Variants in RGS6 observed in about 807,000 individuals in gnomAD.
RGS6 encodes the protein regulator of G-protein signaling 6.
Under a neutral mutation model 78.5 loss-of-function variants are expected in RGS6, and 30 were observed. That is an observed-to-expected ratio of 0.38 (90% CI 0.29 to 0.52). The LOEUF is 0.52. RGS6 is among the 20% of genes least tolerant of loss of function. RGS6 has a pLI of 0.85. For synonymous variants in RGS6, 206 were observed against 206.0 expected, an observed-to-expected ratio of 1.00 and a Z score of 0.00; for missense variants, 495 against 609.7, an observed-to-expected ratio of 0.81 and a Z score of 1.98.
At chr14:71,999,846 T>G (rs1177156751) in intron 2 of RGS6, among the ~76,000 whole-genome samples, 2 of 133,296 alleles carry the variant, frequency 1.5e-5, no homozygotes, top group Admixed American at 8.0e-5. Context: ...CAGCCTGCAG[T>G]GCATGAGCCA....
chr14:71,971,484 T>C (rs1164790665), intron 2 of RGS6, among the ~76,000 whole-genome samples: 1 of 152,122 alleles, frequency 6.6e-6, no homozygotes, highest in Non-Finnish European at 1.5e-5. Context: ...GCCGACTACT[T>C]TCCTCTTCTG....
At chr14:72,352,293 T>A in intron 3 of RGS6, 99 bp downstream of exon 3, 1 of 766,710 alleles carries the variant, frequency 1.3e-6, no homozygotes, top group Non-Finnish European at 2.1e-6. Context: ...CTGTGAATAG[T>A]AAAAATGAAA....
At chr14:71,944,307 AT>A (rs2091136454) in intron 1 of RGS6, among the ~76,000 whole-genome samples, 1 of 152,150 alleles carries the variant, frequency 6.6e-6, no homozygotes, top group South Asian at 2.1e-4. Context: ...TATTATGCCC[AT>A]TTTATAGATG....
intron 3 of RGS6, among the ~76,000 whole-genome samples, chr14:72,372,149 G>C (rs1287342624): frequency 1.3e-5 from 2 of 152,130 alleles, no homozygotes; most frequent in Non-Finnish European, 2.9e-5. Flanking sequence ...ACAAAACGTT[G>C]TTACTGACAT....
chr14:72,455,658 T>G (rs1248635008), intron 4 of RGS6, among the ~76,000 whole-genome samples: 1 of 152,144 alleles, frequency 6.6e-6, no homozygotes, highest in African/African-American at 2.4e-5. Context: ...AATTCTTAAT[T>G]CTAGTCAAGT....
chr14:72,469,185 C>T (rs953672917), intron 7 of RGS6, among the ~76,000 whole-genome samples: 8 of 149,884 alleles, frequency 5.3e-5, no homozygotes, highest in African/African-American at 7.4e-5. Context: ...ACATCACAAA[C>T]GTAGACACTC....
At chr14:72,298,918 T>A (rs2065461827) in intron 2 of RGS6, among the ~76,000 whole-genome samples, 1 of 152,210 alleles carries the variant, frequency 6.6e-6, no homozygotes, top group Admixed American at 6.5e-5. Flanking sequence ...GGGAGAGTTC[T>A]TTGTGGGAAG....
chr14:71,945,967 C>G (rs2091452947), intron 1 of RGS6, among the ~76,000 whole-genome samples: 1 of 152,094 alleles, frequency 6.6e-6, no homozygotes, highest in African/African-American at 2.4e-5. Context: ...CCTTAAACTT[C>G]TATGGAAATG....
intron 3 of RGS6, among the ~76,000 whole-genome samples, chr14:72,390,889 T>C (rs2089796198): frequency 6.6e-6 from 1 of 152,138 alleles, no homozygotes; most frequent in Admixed American, 6.5e-5. Context: ...AGGACTGAGA[T>C]GTAGTGACCT....
At chr14:72,544,857 G>C (rs902953552) in intron 17 of RGS6, among the ~76,000 whole-genome samples, 1 of 152,208 alleles carries the variant, frequency 6.6e-6, no homozygotes, top group Non-Finnish European at 1.5e-5. Flanking sequence ...TCTGCAGAGA[G>C]AAACTCCCAG....
intron 2 of RGS6, among the ~76,000 whole-genome samples, chr14:72,220,132 A>T (rs2153789674): frequency 6.6e-6 from 1 of 152,360 alleles, no homozygotes; most frequent in African/African-American, 2.4e-5. Flanking sequence ...CCCATTCATA[A>T]TCGCTACAAA....
At chr14:72,404,688 G>A (rs2092763294) in intron 3 of RGS6, among the ~76,000 whole-genome samples, 1 of 152,220 alleles carries the variant, frequency 6.6e-6, no homozygotes, top group Admixed American at 6.5e-5. Flanking sequence ...AATTTACAGA[G>A]CTAGTTTGTC....
intron 5 of RGS6, among the ~76,000 whole-genome samples, chr14:72,459,191 T>C (rs1172448620): frequency 6.6e-6 from 1 of 152,060 alleles, no homozygotes; most frequent in Non-Finnish European, 1.5e-5. Context: ...CATTTCACAC[T>C]CCTTCTCCCA....
At chr14:71,974,507 A>T (rs978221358) in intron 2 of RGS6, among the ~76,000 whole-genome samples, 2 of 152,212 alleles carry the variant, frequency 1.3e-5, no homozygotes, top group Non-Finnish European at 2.9e-5. Flanking sequence ...AACTAATTTT[A>T]GGGGGATAGG....
At chr14:71,930,760 A>G (rs1218079695), upstream of RGS6, among the ~76,000 whole-genome samples, 2 of 151,860 alleles carry the variant, frequency 1.3e-5, no homozygotes, top group Non-Finnish European at 2.9e-5. Flanking sequence ...AGGCGGGTGG[A>G]TCATCTGAGG....
At chr14:72,558,865 A>G (rs940620394) in intron 17 of RGS6, among the ~76,000 whole-genome samples, 3 of 152,204 alleles carry the variant, frequency 2.0e-5, no homozygotes, top group African/African-American at 7.2e-5. Flanking sequence ...TAATCACTGT[A>G]TATTTTTTCA....
At position 72,309,331 on chromosome 14, in the gene RGS6, G is replaced by A. The variant is rs538908513; in HGVS notation, c.85-42764G>A. 6.0e-4 allele frequency among the ~76,000 whole-genome samples: 91 copies of A among 152,332 alleles called. 1 individual carries two copies. The highest frequency in any genetic ancestry group is 1.2e-3 in the Non-Finnish European group (81 of 68,020). On this transcript the variant is annotated intron_variant, in intron 2 of 17. Coordinates refer to ENST00000553525, the MANE Select transcript of RGS6 (RefSeq NM_001204424.2). ...AAAGTGTATCCAGACCAGGAAACAT[G>A]ATTTGTAATCGTGGTTGCAAATCTA...
downstream of RGS6, among the ~76,000 whole-genome samples, chr14:72,567,531 C>A (rs1055561870): frequency 1.3e-5 from 2 of 152,188 alleles, no homozygotes; most frequent in Admixed American, 6.5e-5. Context: ...CCAGTTATAA[C>A]ACAAAAAGCT....
At chr14:72,342,725 CAAAAAAA>C (rs58717636) in intron 2 of RGS6, among the ~76,000 whole-genome samples, 21 of 71,412 alleles carry the variant, frequency 2.9e-4, no homozygotes, top group Non-Finnish European at 4.2e-4. Context: ...GGCTTTGTCT[CAAAAAAA>C]AAAAAAAAAA....
Sources: allele counts gnomAD v4.1 joint callset (sites outside exome capture counted in the v4.1 genomes callset), GRCh38; gene constraint gnomAD v4.1.1; transcripts MANE v1.5; gene names NCBI Gene and HGNC (gene_info 2026-07-23, HGNC 2026-07-21).